Variants in RBM47 observed in about 807,000 individuals in gnomAD.
RBM47 encodes the protein RNA-binding protein 47.
RBM47 carries 21 observed loss-of-function variants against 47.1 expected under a neutral mutation model. The observed-to-expected ratio is 0.45, with a 90% CI of 0.32 to 0.64. The LOEUF is 0.64. Ranked by LOEUF, RBM47 falls within the 30% of genes least tolerant of loss-of-function variation. The probability of loss-of-function intolerance (pLI) is 0.05; values close to 1 mark genes in which losing one functional copy is unlikely to be tolerated. For missense variants in RBM47, 708 were observed against 870.9 expected, an observed-to-expected ratio of 0.81 and a Z score of 2.35; for synonymous variants, 375 against 361.7, an observed-to-expected ratio of 1.04 and a Z score of -0.42.
intron 1 of RBM47, among the ~76,000 whole-genome samples, chr4:40,588,364 T>C (rs1170771532): frequency 6.6e-6 from 1 of 152,084 alleles, no homozygotes; most frequent in Non-Finnish European, 1.5e-5. Context: ...AGTCCCAAAA[T>C]TGAACACTCA....
In RBM47 at chr4:40,429,116, C is replaced by G. The variant is rs149450625; in HGVS notation, c.1543-2973G>C. On this transcript the variant is annotated intron_variant, in intron 6 of 6. Transcript: ENST00000295971. ...CATCCCTTTGTCCAGGAAAACGACA[C>G]TGTCTGTGCTCCATGCCCATGTCAC... Among the ~76,000 whole-genome samples the G allele has an allele frequency of 6.6e-3, 1,002 of 152,288 alleles. 15 individuals are homozygous for G. Among genetic ancestry groups the G allele is most frequent in the African/African-American group, 0.023 (956 of 41,536 alleles).
chr4:40,482,572 G>T (rs930782934), intron 2 of RBM47, among the ~76,000 whole-genome samples: 2 of 152,144 alleles, frequency 1.3e-5, no homozygotes, highest in African/African-American at 4.8e-5. Context: ...ATTTACAATT[G>T]CATCAGGTTA....
At chr4:40,515,306 T>C (rs1022812821) in intron 2 of RBM47, among the ~76,000 whole-genome samples, 1 of 152,112 alleles carries the variant, frequency 6.6e-6, no homozygotes, top group Non-Finnish European at 1.5e-5. Context: ...AGAAACTACC[T>C]ATAGAGATTG....
chr4:40,511,394 G>A lies in RBM47; in HGVS notation c.-155+33028C>T, dbSNP rs77761684. Among the ~76,000 whole-genome samples, 977 of 152,330 alleles carry A rather than the reference G, an allele frequency of 6.4e-3. 15 individuals are homozygous for A. The highest frequency in any genetic ancestry group is 0.063 in the East Asian group (326 of 5,184). ...AAGAAGAACTTGCAGTCTAAAGGAT[G>A]GAAGGAGCAGATAACAAACAAGAAC... is the stretch of plus-strand genomic sequence containing the variant. On this transcript the variant is annotated intron_variant, in intron 2 of 6. Coordinates refer to ENST00000295971, the MANE Select transcript of RBM47 (RefSeq NM_001098634.2).
chr4:40,443,717 C>CAAAAAAAAAAAAAAAAAAAAAAAA (rs10581870), intron 3 of RBM47, among the ~76,000 whole-genome samples: 1 of 47,746 alleles, frequency 2.1e-5, no homozygotes, highest in African/African-American at 8.4e-5. Flanking sequence ...AACTCCTTCT[C>CAAAAAAAAAAAAAAAAAAAAAAAA]AAAAAAAAAA....
intron 2 of RBM47, among the ~76,000 whole-genome samples, chr4:40,484,998 TTTTTG>T (rs1028636079): frequency 9.3e-5 from 14 of 150,898 alleles, no homozygotes; most frequent in African/African-American, 3.5e-4. Context: ...TGTCTCTTTT[TTTTTG>T]TTTGTTTTCT....
In RBM47 at chr4:40,441,967, G is replaced by C. The variant is rs999032976; in HGVS notation, c.-31-3043C>G. ...GCGACCCTGTTTTTATTTTTACTTT[G>C]GCCTCTAGGAAGTTCACGATTGATT... On this transcript the variant is annotated intron_variant, in intron 3 of 6. Transcript: ENST00000295971. Among the ~76,000 whole-genome samples the C allele has an allele frequency of 7.7e-4, 117 of 152,150 alleles. 1 individual carries two copies. Among genetic ancestry groups the C allele is most frequent in the African/African-American group, 2.7e-3 (114 of 41,504 alleles).
intron 1 of RBM47, among the ~76,000 whole-genome samples, chr4:40,577,801 G>A (rs1047158040): frequency 5.9e-5 from 9 of 152,100 alleles, no homozygotes; most frequent in African/African-American, 2.2e-4. Context: ...TTAGATAAAT[G>A]TGGTACCATT....
chr4:40,525,125 G>A (rs1242758393), intron 2 of RBM47, among the ~76,000 whole-genome samples: 2 of 152,152 alleles, frequency 1.3e-5, no homozygotes, highest in African/African-American at 2.4e-5. Flanking sequence ...GTTACCGCTT[G>A]CTATAATGAA....
At chr4:40,589,622 A>G (rs1733937990) in intron 1 of RBM47, among the ~76,000 whole-genome samples, 2 of 151,924 alleles carry the variant, frequency 1.3e-5, no homozygotes, top group African/African-American at 4.8e-5. Context: ...TATTTTTAGT[A>G]GAGACGGGGT....
chr4:40,611,963 C>T (rs62301879), intron 1 of RBM47, among the ~76,000 whole-genome samples: 12,358 of 152,056 alleles, frequency 0.081, 693 homozygotes, highest in South Asian at 0.12. Context: ...TGGCCTTCCA[C>T]GCAAGACTCA....
intron 2 of RBM47, among the ~76,000 whole-genome samples, chr4:40,505,613 C>T (rs571697806): frequency 2.9e-4 from 44 of 151,542 alleles, no homozygotes; most frequent in Non-Finnish European, 3.5e-4. Flanking sequence ...TTTGGCTGGA[C>T]GCGGTGGCTC....
chr4:40,549,591 C>T (rs1180665900), intron 1 of RBM47, among the ~76,000 whole-genome samples: 1 of 145,848 alleles, frequency 6.9e-6, no homozygotes, highest in East Asian at 2.1e-4. Flanking sequence ...GGCATGATCT[C>T]GGCTCACTGC....
intron 3 of RBM47, among the ~76,000 whole-genome samples, chr4:40,449,297 T>C (rs2046987): frequency 0.018 from 2,745 of 152,304 alleles, 75 homozygotes; most frequent in African/African-American, 0.063. Context: ...CTCCTTTCTT[T>C]AGGTAAAATC....
chr4:40,470,123 C>G (rs1223863623), intron 2 of RBM47, among the ~76,000 whole-genome samples: 1 of 152,126 alleles, frequency 6.6e-6, no homozygotes, highest in Non-Finnish European at 1.5e-5. Flanking sequence ...AAAGGTCACA[C>G]AGTAGGTAGG....
At chr4:40,591,595 G>A (rs1396539543) in intron 1 of RBM47, among the ~76,000 whole-genome samples, 1 of 152,152 alleles carries the variant, frequency 6.6e-6, no homozygotes, top group East Asian at 1.9e-4. Flanking sequence ...TCGGGAGGCT[G>A]GGGCAGGAGA....
intron 1 of RBM47, among the ~76,000 whole-genome samples, chr4:40,620,247 C>G (rs1737142766): frequency 6.8e-6 from 1 of 146,944 alleles, no homozygotes; most frequent in African/African-American, 2.5e-5. Context: ...GTGGCTCACA[C>G]CTGTAATCCC....
At chr4:40,526,789 CTTTTTTTTTTTTTTTT>C (rs540484622) in intron 2 of RBM47, among the ~76,000 whole-genome samples, 8 of 61,592 alleles carry the variant, frequency 1.3e-4, no homozygotes, top group Admixed American at 9.4e-4. Flanking sequence ...CAGTTTGGTT[CTTTTTTTTTTTTTTTT>C]TTTTTTTTTT....
At chr4:40,550,829 T>C (rs1729493140) in intron 1 of RBM47, among the ~76,000 whole-genome samples, 1 of 151,908 alleles carries the variant, frequency 6.6e-6, no homozygotes, top group African/African-American at 2.4e-5. Context: ...AAAATAGATA[T>C]GCATGAAGAA....
Sources: allele counts gnomAD v4.1 joint callset (sites outside exome capture counted in the v4.1 genomes callset), GRCh38; gene constraint gnomAD v4.1.1; transcripts MANE v1.5; gene names NCBI Gene and HGNC (gene_info 2026-07-23, HGNC 2026-07-21).